NXPE2: variants seen among roughly 807,000 people sequenced by gnomAD.
NXPE2 encodes the protein NXPE family member 2.
A neutral mutation model predicts 34.4 loss-of-function variants in NXPE2; 34 were observed. The ratio of observed to expected loss-of-function variants is 0.99; its 90% CI spans 0.75 to 1.31. The LOEUF is 1.31. Among genes scored for constraint, NXPE2 ranks in the 40% most tolerant of loss-of-function variants. The pLI, the probability that NXPE2 is intolerant of heterozygous loss-of-function variation, is 0.00. For missense variants in NXPE2, 649 were observed against 672.5 expected, an observed-to-expected ratio of 0.97 and a Z score of 0.39; for synonymous variants, 235 against 231.3, an observed-to-expected ratio of 1.02 and a Z score of -0.15.
At chr11:114,696,340 C>CAAAAAAAAAAAAAAAA (rs773266644) in intron 2 of NXPE2, among the ~76,000 whole-genome samples, 41 of 64,482 alleles carry the variant, frequency 6.4e-4, no homozygotes, top group Non-Finnish European at 7.5e-4. Context: ...TCAAAAAAAC[C>CAAAAAAAAAAAAAAAA]AAAAAAAAAA....
At chr11:114,677,505 T>C (rs1187114240), upstream of NXPE2, among the ~76,000 whole-genome samples, 4 of 152,208 alleles carry the variant, frequency 2.6e-5, no homozygotes, top group South Asian at 6.2e-4. Flanking sequence ...ACATGTCTTA[T>C]AAGGAGTGGG....
the NXPE2 span, among the ~76,000 whole-genome samples, chr11:114,507,781 A>G: frequency 6.6e-6 from 1 of 152,086 alleles, no homozygotes; most frequent in African/African-American, 2.4e-5. Flanking sequence ...CCCATAGCCA[A>G]CATCATACTG....
At chr11:114,743,811 G>A in the NXPE2 span, among the ~76,000 whole-genome samples, 1 of 151,132 alleles carries the variant, frequency 6.6e-6, no homozygotes, top group Non-Finnish European at 1.5e-5. Flanking sequence ...GTGTGTGTAT[G>A]TGTGTGTATA....
the NXPE2 span, among the ~76,000 whole-genome samples, chr11:114,809,046 A>C: frequency 1.3e-5 from 2 of 152,200 alleles, no homozygotes; most frequent in East Asian, 3.9e-4. Flanking sequence ...AACATACACA[A>C]ATCAATAAAT....
At chr11:114,481,495 T>C in the NXPE2 span, among the ~76,000 whole-genome samples, 1 of 152,100 alleles carries the variant, frequency 6.6e-6, no homozygotes, top group African/African-American at 2.4e-5. Flanking sequence ...ATTTTGTGTG[T>C]GTGTGTGAAA....
chr11:114,576,458 A>G, the NXPE2 span, among the ~76,000 whole-genome samples: 1 of 152,272 alleles, frequency 6.6e-6, no homozygotes, highest in East Asian at 1.9e-4. Context: ...ACAGTCAACA[A>G]AGGGCTCATA....
the NXPE2 span, among the ~76,000 whole-genome samples, chr11:114,599,969 T>C: frequency 5.3e-5 from 8 of 152,120 alleles, no homozygotes; most frequent in Admixed American, 5.2e-4. Context: ...AATAATAGCA[T>C]AAATAAATGG....
chr11:114,466,924 T>C, the NXPE2 span, among the ~76,000 whole-genome samples: 2 of 152,210 alleles, frequency 1.3e-5, no homozygotes, highest in South Asian at 4.1e-4. Context: ...GGCTGAAGCA[T>C]GTGAGCTCTG....
chr11:114,598,834 G>A, the NXPE2 span, among the ~76,000 whole-genome samples: 13 of 151,440 alleles, frequency 8.6e-5, no homozygotes, highest in Non-Finnish European at 8.8e-5. Context: ...ATGCCTTTGA[G>A]GCCTTCTCCC....
chr11:114,594,881 G>T, the NXPE2 span: 1 of 601,734 alleles, frequency 1.7e-6, no homozygotes, highest in Non-Finnish European at 2.9e-6. Context: ...TTTAGCCTCA[G>T]ATAAATAACT....
chr11:114,491,568 A>T, the NXPE2 span, among the ~76,000 whole-genome samples: 1 of 152,192 alleles, frequency 6.6e-6, no homozygotes, highest in Non-Finnish European at 1.5e-5. Flanking sequence ...GTGGGACTGT[A>T]AACTTGTTCC....
the NXPE2 span, among the ~76,000 whole-genome samples, chr11:114,634,807 T>G: frequency 6.6e-6 from 1 of 152,082 alleles, no homozygotes; most frequent in African/African-American, 2.4e-5. Context: ...GGCTCTGTTC[T>G]GTTCCATTGA....
At chr11:114,683,509 C>T (rs1269139392) in intron 2 of NXPE2, among the ~76,000 whole-genome samples, 2 of 151,880 alleles carry the variant, frequency 1.3e-5, no homozygotes, top group Non-Finnish European at 2.9e-5. Flanking sequence ...CAACCTCCGC[C>T]TCCTGGGTTC....
the NXPE2 span, among the ~76,000 whole-genome samples, chr11:114,544,080 TA>T: frequency 6.6e-6 from 1 of 152,274 alleles, no homozygotes; most frequent in Admixed American, 6.5e-5. Flanking sequence ...GAAGAAATTT[TA>T]AAAAATCTAA....
the NXPE2 span, among the ~76,000 whole-genome samples, chr11:114,547,646 G>T: frequency 2.0e-5 from 3 of 151,988 alleles, no homozygotes; most frequent in Non-Finnish European, 4.4e-5. Context: ...GAGGCAGGAG[G>T]ATCACTTGAA....
chr11:114,683,366 T>C (rs1249781805), intron 2 of NXPE2, among the ~76,000 whole-genome samples: 1 of 152,144 alleles, frequency 6.6e-6, no homozygotes, highest in African/African-American at 2.4e-5. Flanking sequence ...ACTCATTTAT[T>C]ATGTTCATTG....
At chr11:114,546,551 C>T in the NXPE2 span, among the ~76,000 whole-genome samples, 1 of 151,320 alleles carries the variant, frequency 6.6e-6, no homozygotes, top group African/African-American at 2.4e-5. Context: ...ATCCTCCCAT[C>T]TCACCCTCCC....
At chr11:114,715,915 G>C in the NXPE2 span, among the ~76,000 whole-genome samples, 1 of 152,052 alleles carries the variant, frequency 6.6e-6, no homozygotes, top group Non-Finnish European at 1.5e-5. Context: ...TTAAAAACCT[G>C]CATTTCCACA....
In NXPE2 at chr11:114,693,234, T is replaced by C. The variant is rs554958012; in HGVS notation, c.133-4811T>C. Among the ~76,000 whole-genome samples, 4 of 152,334 alleles carry C rather than the reference T, an allele frequency of 2.6e-5. No homozygotes were observed. In the South Asian group the frequency reaches 8.3e-4, roughly 32 times the overall value. Reference sequence around the variant, plus strand: ...AACATATTAGAGTTCTCCTTCAGGATGGGAAACCTTCTTCTTGCCCCATAT... The same window carrying C: ...AACATATTAGAGTTCTCCTTCAGGACGGGAAACCTTCTTCTTGCCCCATAT... On this transcript the variant is annotated intron_variant, in intron 2 of 5. Coordinates refer to ENST00000389586, the MANE Select transcript of NXPE2 (RefSeq NM_182495.6).
Sources: gnomAD v4.1 joint callset for allele counts (sites outside exome capture counted in the v4.1 genomes callset) on GRCh38, gnomAD v4.1.1 for gene constraint, MANE v1.5 for transcripts, NCBI Gene and HGNC (gene_info 2026-07-23, HGNC 2026-07-21) for gene names.